The following SNTG2 variants were observed in gnomAD, a reference collection of about 807,000 sequenced individuals.
SNTG2 encodes gamma-2-syntrophin.
Under a neutral mutation model 70.9 loss-of-function variants are expected in SNTG2, and 74 were observed. That is an observed-to-expected ratio of 1.04 (90% confidence interval 0.86 to 1.27). The LOEUF (loss-of-function observed/expected upper bound fraction) is 1.27, where lower values mean the gene tolerates loss of function less well. Ranked by LOEUF, SNTG2 falls within the 50% of genes most tolerant of loss-of-function variation. SNTG2 has a pLI of 0.00. For missense variants in SNTG2, 717 were observed against 690.7 expected (o/e 1.04, Z -0.43); for synonymous variants, 278 against 273.8 (o/e 1.02, Z -0.15).
intron 1 of SNTG2, among the ~76,000 whole-genome samples, chr2:1,003,823 C>T (rs1324206895): frequency 6.6e-6 from 1 of 152,180 alleles, no homozygotes; most frequent in African/African-American, 2.4e-5. Context: ...TCAGATTACA[C>T]TTATGTAACA....
At chr2:975,492 C>G (rs1027386864) in intron 1 of SNTG2, among the ~76,000 whole-genome samples, 2 of 152,238 alleles carry the variant, frequency 1.3e-5, no homozygotes, top group African/African-American at 4.8e-5. Flanking sequence ...AGGAGAAAGT[C>G]TCTGGGGCAA....
chr2:1,242,236 G>T (rs1677099364), intron 11 of SNTG2, among the ~76,000 whole-genome samples: 2 of 152,044 alleles, frequency 1.3e-5, no homozygotes, highest in African/African-American at 4.8e-5. Context: ...AAAACAGAAA[G>T]AAAATTTTTT....
chr2:1,147,659 A>T (rs1207247638), intron 6 of SNTG2, among the ~76,000 whole-genome samples: 1 of 152,192 alleles, frequency 6.6e-6, no homozygotes, highest in Non-Finnish European at 1.5e-5. Context: ...GAGAACCCTG[A>T]CAAATACCCA....
intron 4 of SNTG2, among the ~76,000 whole-genome samples, chr2:1,116,676 ATGGGGGTGCTCTGGTG>A (rs1667003905): frequency 3.7e-5 from 2 of 54,224 alleles, no homozygotes; most frequent in African/African-American, 7.2e-5. Context: ...GTGCTCTGGC[ATGGGGGTGCTCTGGTG>A]TGTGGGTGCT....
intron 9 of SNTG2, among the ~76,000 whole-genome samples, chr2:1,228,152 C>G (rs1675922381): frequency 6.6e-6 from 1 of 152,250 alleles, no homozygotes; most frequent in Non-Finnish European, 1.5e-5. Context: ...CCTGTGACCT[C>G]CCAGCGTGGG....
chr2:1,100,446 C>T lies in SNTG2; in HGVS notation c.325+2036C>T, dbSNP rs114198421. 1.9e-3 allele frequency among the ~76,000 whole-genome samples: 288 copies of T among 152,298 alleles called. 1 individual carries two copies. The highest frequency in any genetic ancestry group is 6.8e-3 in the African/African-American group (282 of 41,572). On this transcript the variant is annotated intron_variant, in intron 4 of 16. Transcript: ENST00000308624. ...AGGCGTGAGCCACCGCACCCAGCCT[C>T]TTTTTGAGGTTTTTCGAGCATTTCA...
intron 1 of SNTG2, among the ~76,000 whole-genome samples, chr2:1,011,997 T>C (rs565509309): frequency 6.6e-6 from 1 of 152,342 alleles, no homozygotes; most frequent in South Asian, 2.1e-4. Flanking sequence ...ATATTTCAAA[T>C]ATTGACTTAG....
intron 8 of SNTG2, among the ~76,000 whole-genome samples, chr2:1,181,904 A>G (rs548363185): frequency 6.6e-6 from 1 of 152,280 alleles, no homozygotes; most frequent in East Asian, 1.9e-4. Context: ...AAACATTTAT[A>G]ATGAAGGAAA....
At chr2:1,060,320 C>T (rs183926408) in intron 1 of SNTG2, among the ~76,000 whole-genome samples, 26 of 152,182 alleles carry the variant, frequency 1.7e-4, no homozygotes, top group African/African-American at 5.8e-4. Context: ...ATATTGATAC[C>T]TATCTAATGG....
intron 16 of SNTG2, 36 bp downstream of exon 16, chr2:1,316,411 C>T (rs1034335208): frequency 9.0e-7 from 1 of 1,106,650 alleles, no homozygotes; most frequent in Admixed American, 2.1e-5. Flanking sequence ...TCTGCCACCA[C>T]CCACACATAA....
At chr2:1,155,948 G>A (rs1669864975) in intron 6 of SNTG2, among the ~76,000 whole-genome samples, 2 of 152,182 alleles carry the variant, frequency 1.3e-5, no homozygotes, top group South Asian at 4.1e-4. Context: ...AGGAAGCAGA[G>A]CAGGGCCAGC....
chr2:1,113,084 C>A (rs1315375756), intron 4 of SNTG2, among the ~76,000 whole-genome samples: 1 of 151,046 alleles, frequency 6.6e-6, no homozygotes, highest in African/African-American at 2.4e-5. Flanking sequence ...GAGGTTTAAC[C>A]CTTACAGTCC....
chr2:1,089,104 A>C (rs1664859524), intron 2 of SNTG2, among the ~76,000 whole-genome samples: 1 of 152,250 alleles, frequency 6.6e-6, no homozygotes. Flanking sequence ...AGTCTTGCTG[A>C]AAAGGCTTCT....
intron 14 of SNTG2, among the ~76,000 whole-genome samples, chr2:1,288,394 G>A (rs575808096): frequency 6.6e-6 from 1 of 152,188 alleles, no homozygotes; most frequent in East Asian, 1.9e-4. Flanking sequence ...AATTTGTATC[G>A]CCAAAAACAT....
At chr2:1,057,581 G>T (rs775439530) in intron 1 of SNTG2, among the ~76,000 whole-genome samples, 1 of 152,072 alleles carries the variant, frequency 6.6e-6, no homozygotes, top group Non-Finnish European at 1.5e-5. Context: ...TTATATTTTG[G>T]CTGCACTGGC....
At chr2:1,267,158 A>T (rs1678783034) in intron 13 of SNTG2, among the ~76,000 whole-genome samples, 1 of 152,192 alleles carries the variant, frequency 6.6e-6, no homozygotes, top group Admixed American at 6.5e-5. Context: ...AGCATTTGAC[A>T]AAATTTATTT....
At chr2:1,324,636 C>A (rs1169795314) in intron 16 of SNTG2, among the ~76,000 whole-genome samples, 2 of 152,156 alleles carry the variant, frequency 1.3e-5, no homozygotes, top group African/African-American at 4.8e-5. Flanking sequence ...AACAGGTGTG[C>A]AGTTGGAACA....
intron 14 of SNTG2, among the ~76,000 whole-genome samples, chr2:1,269,031 A>C (rs1344346334): frequency 6.6e-6 from 1 of 152,328 alleles, no homozygotes; most frequent in South Asian, 2.1e-4. Flanking sequence ...AATAAGAGCA[A>C]TCATAGAATT....
intron 1 of SNTG2, among the ~76,000 whole-genome samples, chr2:996,711 A>C (rs747323751): frequency 2.8e-5 from 1 of 35,716 alleles, no homozygotes. Context: ...TTTTACTACC[A>C]CTAGGTATTG....
Sources: allele counts gnomAD v4.1 joint callset (sites outside exome capture counted in the v4.1 genomes callset), GRCh38; gene constraint gnomAD v4.1.1; transcripts MANE v1.5; gene names NCBI Gene and HGNC (gene_info 2026-07-23, HGNC 2026-07-21).